The following UST variants were observed in gnomAD, a reference collection of about 807,000 sequenced individuals.
UST encodes chondroitin sulfate 2-O-sulfotransferase.
A neutral mutation model predicts 45.6 loss-of-function variants in UST; 21 were observed. The ratio of observed to expected loss-of-function variants is 0.46; its 90% CI spans 0.33 to 0.66. The LOEUF (loss-of-function observed/expected upper bound fraction) is 0.66, where lower values mean the gene tolerates loss of function less well. Ranked by LOEUF, UST falls within the 30% of genes least tolerant of loss-of-function variation. The pLI is 0.02. For synonymous variants in UST, 215 were observed against 200.6 expected, an observed-to-expected ratio of 1.07 and a Z score of -0.61; for missense variants, 463 against 512.4, an observed-to-expected ratio of 0.90 and a Z score of 0.93.
chr6:148,868,818 A>T (rs1013813360), intron 1 of UST, among the ~76,000 whole-genome samples: 2 of 152,140 alleles, frequency 1.3e-5, no homozygotes, highest in Non-Finnish European at 2.9e-5. Context: ...CACCAGACTG[A>T]TGTTTATGTA....
chr6:148,999,975 A>G lies in UST; in HGVS notation c.682-19164A>G, dbSNP rs570621707. On this transcript the variant is annotated intron_variant, in intron 5 of 7. Coordinates refer to ENST00000367463, the MANE Select transcript of UST (RefSeq NM_005715.3). ...TTTATTATAAAATAAGAACATCCTC[A>G]TGCATGGAGGAATTCCTGAGTGGTG... Among the ~76,000 whole-genome samples, 41 of 152,364 alleles carry G rather than the reference A, an allele frequency of 2.7e-4. 1 individual carries two copies. The highest frequency in any genetic ancestry group is 9.9e-4 in the African/African-American group (41 of 41,574).
chr6:148,978,398 A>G (rs553207625), intron 5 of UST, among the ~76,000 whole-genome samples: 48 of 152,328 alleles, frequency 3.2e-4, no homozygotes, highest in African/African-American at 1.2e-3. Flanking sequence ...CATTGTTTAT[A>G]ATAGCAAAGA....
chr6:149,007,624 A>T lies in UST; in HGVS notation c.682-11515A>T, dbSNP rs369757978. Among the ~76,000 whole-genome samples the T allele has an allele frequency of 4.0e-5, 6 of 148,666 alleles. 1 individual carries two copies. The highest frequency in any genetic ancestry group is 1.3e-4 in the Admixed American group (2 of 14,992). On this transcript the variant is annotated intron_variant, in intron 5 of 7. Transcript: ENST00000367463. ...TTTTTAGTAGAGACGGGGTTTCACC[A>T]TGTTGGCCAGACTAGTCTTGAACTC...
At chr6:149,006,414 A>G (rs930017578) in intron 5 of UST, among the ~76,000 whole-genome samples, 1 of 152,182 alleles carries the variant, frequency 6.6e-6, no homozygotes, top group Admixed American at 6.5e-5. Context: ...TGTCCCTGCA[A>G]AGGACATGAT....
chr6:149,037,331 A>T (rs1776252532), intron 7 of UST, among the ~76,000 whole-genome samples: 1 of 152,154 alleles, frequency 6.6e-6, no homozygotes, highest in Admixed American at 6.5e-5. Flanking sequence ...CCCCTCTCTA[A>T]ATACATTCCA....
At chr6:149,062,380 A>G (rs1776667045) in intron 7 of UST, among the ~76,000 whole-genome samples, 1 of 152,256 alleles carries the variant, frequency 6.6e-6, no homozygotes, top group African/African-American at 2.4e-5. Context: ...CCTTTGGGTT[A>G]ATCCAGTCTT....
chr6:148,834,685 C>T lies in UST; in HGVS notation c.248-52301C>T, dbSNP rs534508670. Among the ~76,000 whole-genome samples the T allele has an allele frequency of 5.3e-5, 8 of 152,096 alleles. No individual in the cohort carries two copies. The East Asian group carries it at 5.8e-4, about 11-fold the overall frequency. On this transcript the variant is annotated intron_variant, in intron 1 of 7. Transcript: ENST00000367463. ...GTGAGAAAGAGGTGAACCGAGATTGCGCCACTGCACTCCAGCCTGGGCAAT... is the reference window on the plus strand; with the variant it reads ...GTGAGAAAGAGGTGAACCGAGATTGTGCCACTGCACTCCAGCCTGGGCAAT...
At chr6:148,755,300 G>A (rs191578722) in intron 1 of UST, among the ~76,000 whole-genome samples, 334 of 152,260 alleles carry the variant, frequency 2.2e-3, no homozygotes, top group African/African-American at 7.5e-3. Context: ...TATTTGCTAC[G>A]TATGTTTCTC....
intron 1 of UST, among the ~76,000 whole-genome samples, chr6:148,843,617 A>G (rs985092683): frequency 6.6e-6 from 1 of 152,224 alleles, no homozygotes; most frequent in African/African-American, 2.4e-5. Context: ...CTAAGAGGTG[A>G]AGTAATTTGC....
At chr6:148,824,073 G>A (rs1777521173) in intron 1 of UST, among the ~76,000 whole-genome samples, 1 of 152,210 alleles carries the variant, frequency 6.6e-6, no homozygotes, top group Non-Finnish European at 1.5e-5. Context: ...AAAATTTGAA[G>A]ATATAGTTAA....
chr6:149,024,832 G>C (rs764005279), intron 7 of UST, among the ~76,000 whole-genome samples: 4 of 152,086 alleles, frequency 2.6e-5, no homozygotes, highest in Non-Finnish European at 4.4e-5. Flanking sequence ...ACTGATTTAA[G>C]GGATCTAGTG....
intron 5 of UST, among the ~76,000 whole-genome samples, chr6:149,007,481 TA>T (rs1329978636): frequency 4.4e-5 from 6 of 136,640 alleles, no homozygotes; most frequent in African/African-American, 1.1e-4. Context: ...TTTTTTTTTT[TA>T]GTAGAGACGG....
intron 5 of UST, among the ~76,000 whole-genome samples, chr6:148,999,584 A>G (rs1157243041): frequency 6.6e-6 from 1 of 152,068 alleles, no homozygotes; most frequent in Admixed American, 6.6e-5. Context: ...CAGGGTCTGT[A>G]AGAAGAACCC....
chr6:148,787,755 C>T (rs1776759643), intron 1 of UST, among the ~76,000 whole-genome samples: 1 of 152,122 alleles, frequency 6.6e-6, no homozygotes, highest in African/African-American at 2.4e-5. Flanking sequence ...ATGGGAATAG[C>T]ATTGAATGTA....
At chr6:148,866,485 C>G (rs966139949) in intron 1 of UST, among the ~76,000 whole-genome samples, 3 of 152,038 alleles carry the variant, frequency 2.0e-5, no homozygotes, top group African/African-American at 7.2e-5. Context: ...CTACAAGATG[C>G]GAAAACAACA....
intron 1 of UST, among the ~76,000 whole-genome samples, chr6:148,752,983 T>A (rs968830745): frequency 2.0e-5 from 3 of 152,192 alleles, no homozygotes; most frequent in African/African-American, 7.2e-5. Context: ...CAAACAGTGA[T>A]ATACATAAAT....
chr6:149,030,742 C>T (rs1776127297), intron 7 of UST, among the ~76,000 whole-genome samples: 1 of 150,904 alleles, frequency 6.6e-6, no homozygotes, highest in African/African-American at 2.4e-5. Context: ...CCTTAACACA[C>T]ACACAAGATG....
At chr6:148,765,954 T>G (rs556596724) in intron 1 of UST, among the ~76,000 whole-genome samples, 1 of 152,320 alleles carries the variant, frequency 6.6e-6, no homozygotes, top group East Asian at 1.9e-4. Context: ...CTTTTAAATT[T>G]TCTCCATTCA....
chr6:148,871,568 G>A (rs957311274), intron 1 of UST, among the ~76,000 whole-genome samples: 1 of 152,182 alleles, frequency 6.6e-6, no homozygotes, highest in Admixed American at 6.5e-5. Context: ...ATATTCACAA[G>A]TATTACTTCT....
Sources: gnomAD v4.1 joint callset for allele counts (sites outside exome capture counted in the v4.1 genomes callset) on GRCh38, gnomAD v4.1.1 for gene constraint, MANE v1.5 for transcripts, NCBI Gene and HGNC (gene_info 2026-07-23, HGNC 2026-07-21) for gene names.